Variants in LINGO2 observed in about 807,000 individuals in gnomAD.
The protein encoded by LINGO2 is leucine-rich repeat and immunoglobulin-like domain-containing nogo receptor-interacting protein 2.
In LINGO2, 14 loss-of-function variants were observed where a neutral mutation model predicts 30.6. That is an observed-to-expected ratio of 0.46 (90% CI 0.30 to 0.72). LINGO2 has a LOEUF of 0.72. Among genes scored for constraint, LINGO2 ranks in the 30% least tolerant of loss-of-function variants. The pLI, the probability that LINGO2 is intolerant of heterozygous loss-of-function variation, is 0.07. For synonymous variants in LINGO2, 317 were observed against 288.5 expected, an observed-to-expected ratio of 1.10 and a Z score of -1.00; for missense variants, 729 against 751.7, an observed-to-expected ratio of 0.97 and a Z score of 0.35.
At chr9:28,249,149 G>T (rs974842677) in intron 4 of LINGO2, among the ~76,000 whole-genome samples, 2 of 151,886 alleles carry the variant, frequency 1.3e-5, no homozygotes, top group African/African-American at 4.8e-5. Flanking sequence ...ATTTTACCTT[G>T]GGAACTGTAT....
chr9:29,044,277 G>A, the LINGO2 span, among the ~76,000 whole-genome samples: 1 of 151,936 alleles, frequency 6.6e-6, no homozygotes, highest in East Asian at 1.9e-4. Context: ...AGTTGGAAGG[G>A]TAGGCATATG....
the LINGO2 span, among the ~76,000 whole-genome samples, chr9:28,776,827 CCT>C: frequency 6.6e-6 from 1 of 150,980 alleles, no homozygotes; most frequent in Admixed American, 6.7e-5. Context: ...CACACAGCTG[CCT>C]CTTTTTTTTT....
At chr9:28,314,595 T>G (rs1228597533) in intron 3 of LINGO2, among the ~76,000 whole-genome samples, 1 of 152,226 alleles carries the variant, frequency 6.6e-6, no homozygotes, top group African/African-American at 2.4e-5. Flanking sequence ...CTTTTGTTGA[T>G]GACCATCACA....
chr9:28,977,675 G>A, the LINGO2 span, among the ~76,000 whole-genome samples: 1 of 152,048 alleles, frequency 6.6e-6, no homozygotes, highest in Admixed American at 6.6e-5. Context: ...ATACATACAT[G>A]TAAAATGGCA....
chr9:29,203,212 C>T, the LINGO2 span, among the ~76,000 whole-genome samples: 11 of 151,958 alleles, frequency 7.2e-5, no homozygotes, highest in Non-Finnish European at 1.3e-4. Context: ...TAATGGACTA[C>T]CATCAATCTA....
intron 1 of LINGO2, among the ~76,000 whole-genome samples, chr9:28,552,725 C>T (rs545137088): frequency 1.1e-3 from 167 of 146,902 alleles, no homozygotes; most frequent in Admixed American, 6.4e-3. Flanking sequence ...GTTGGATTTT[C>T]TCTGTGGGTT....
At chr9:28,621,134 G>A (rs1222565843) in intron 1 of LINGO2, among the ~76,000 whole-genome samples, 2 of 151,684 alleles carry the variant, frequency 1.3e-5, no homozygotes, top group Non-Finnish European at 2.9e-5. Flanking sequence ...CAGAAAATAC[G>A]ACAATGCTCA....
At chr9:28,765,240 A>G in the LINGO2 span, among the ~76,000 whole-genome samples, 1 of 152,206 alleles carries the variant, frequency 6.6e-6, no homozygotes, top group East Asian at 1.9e-4. Context: ...CCACTTCATG[A>G]TATCAGATTA....
the LINGO2 span, among the ~76,000 whole-genome samples, chr9:28,932,774 C>A: frequency 1.3e-5 from 2 of 152,120 alleles, no homozygotes; most frequent in African/African-American, 4.8e-5. Flanking sequence ...TACCACCCAG[C>A]TACTTCTCAA....
chr9:28,341,259 T>C (rs1825756645), intron 3 of LINGO2, among the ~76,000 whole-genome samples: 1 of 152,090 alleles, frequency 6.6e-6, no homozygotes, highest in East Asian at 1.9e-4. Context: ...CTGACAACAG[T>C]GAATCTGGGA....
the LINGO2 span, among the ~76,000 whole-genome samples, chr9:29,198,287 A>C: frequency 6.6e-6 from 1 of 152,200 alleles, no homozygotes; most frequent in Non-Finnish European, 1.5e-5. Flanking sequence ...TCATCTATGC[A>C]GAACTTGTAA....
chr9:28,973,077 C>T, the LINGO2 span, among the ~76,000 whole-genome samples: 294 of 152,104 alleles, frequency 1.9e-3, 5 homozygotes, highest in Non-Finnish European at 3.5e-4. Context: ...AGTTTTCAGC[C>T]TAAAGGGGAG....
chr9:28,561,764 TATATATATATATATATAA>T (rs978312144), intron 1 of LINGO2, among the ~76,000 whole-genome samples: 5 of 137,184 alleles, frequency 3.6e-5, no homozygotes, highest in African/African-American at 1.1e-4. Context: ...TATATATATA[TATATATATATATATATAA>T]AAAATATGCT....
the LINGO2 span, among the ~76,000 whole-genome samples, chr9:28,991,837 G>A: frequency 6.7e-6 from 1 of 149,386 alleles, no homozygotes; most frequent in Non-Finnish European, 1.5e-5. Flanking sequence ...TCACCACCAG[G>A]CCTGCCCTAA....
At chr9:28,123,954 C>T (rs1048166904) in intron 4 of LINGO2, among the ~76,000 whole-genome samples, 2 of 152,174 alleles carry the variant, frequency 1.3e-5, no homozygotes, top group African/African-American at 4.8e-5. Context: ...GTGTGAGCCA[C>T]CGCACCCAGC....
chr9:28,346,835 C>T (rs1024221379), intron 3 of LINGO2, among the ~76,000 whole-genome samples: 1 of 151,348 alleles, frequency 6.6e-6, no homozygotes, highest in African/African-American at 2.4e-5. Context: ...TGTATGCCTT[C>T]TTAGAGAAGT....
At chr9:28,558,720 A>G (rs182406249) in intron 1 of LINGO2, among the ~76,000 whole-genome samples, 56 of 152,086 alleles carry the variant, frequency 3.7e-4, no homozygotes, top group African/African-American at 1.1e-3. Flanking sequence ...CTGCACTGTC[A>G]TTTTAGCAGA....
the LINGO2 span, among the ~76,000 whole-genome samples, chr9:29,158,287 TCA>T: frequency 2.2e-3 from 339 of 151,216 alleles, 1 homozygote; most frequent in African/African-American, 7.8e-3. Flanking sequence ...GCCCAGGAGG[TCA>T]AGGCTACAGC....
chr9:28,275,125 G>C (rs781455106), intron 4 of LINGO2, among the ~76,000 whole-genome samples: 1 of 152,094 alleles, frequency 6.6e-6, no homozygotes, highest in African/African-American at 2.4e-5. Flanking sequence ...CTGGAGTGCA[G>C]TGGCGCTATC....
Sources: allele counts gnomAD v4.1 joint callset (sites outside exome capture counted in the v4.1 genomes callset), GRCh38; gene constraint gnomAD v4.1.1; transcripts MANE v1.5; gene names NCBI Gene and HGNC (gene_info 2026-07-23, HGNC 2026-07-21).